Variants in TNRC6C observed in about 807,000 individuals in gnomAD.
TNRC6C encodes trinucleotide repeat-containing gene 6C protein.
Under a neutral mutation model 153.7 loss-of-function variants are expected in TNRC6C, and 20 were observed. The observed-to-expected ratio is 0.13, with a 90% CI of 0.09 to 0.19. TNRC6C has a LOEUF of 0.19. Among genes scored for constraint, TNRC6C ranks in the 10% least tolerant of loss-of-function variants. The pLI is 1.00. For missense variants in TNRC6C, 1,987 were observed against 2,172.0 expected (o/e 0.91, Z 1.69); for synonymous variants, 811 against 841.4 (o/e 0.96, Z 0.63).
chr17:78,011,302 G>A (rs2071625221), intron 1 of TNRC6C, among the ~76,000 whole-genome samples: 1 of 152,178 alleles, frequency 6.6e-6, no homozygotes, highest in Non-Finnish European at 1.5e-5. Flanking sequence ...CATCCCTGAA[G>A]GTGTCCTTGT....
chr17:77,984,145 T>C (rs2071121975), intron 1 of TNRC6C, among the ~76,000 whole-genome samples: 1 of 152,160 alleles, frequency 6.6e-6, no homozygotes, highest in African/African-American at 2.4e-5. Flanking sequence ...ACTGTAGACA[T>C]TTCCCTTTGG....
At chr17:78,060,119 T>C (rs1310220453) in intron 3 of TNRC6C, among the ~76,000 whole-genome samples, 1 of 152,182 alleles carries the variant, frequency 6.6e-6, no homozygotes, top group Non-Finnish European at 1.5e-5. Context: ...GACTTTGGAA[T>C]GGAAGTGTCA....
chr17:78,044,099 C>G (rs529148760), intron 2 of TNRC6C, among the ~76,000 whole-genome samples: 21 of 152,142 alleles, frequency 1.4e-4, no homozygotes, highest in Non-Finnish European at 2.1e-4. Context: ...AACTTATTAT[C>G]AAACCCTATC....
chr17:78,034,842 G>C (rs117311452), intron 2 of TNRC6C, among the ~76,000 whole-genome samples: 1 of 152,150 alleles, frequency 6.6e-6, no homozygotes, highest in African/African-American at 2.4e-5. Flanking sequence ...GGTGGCATGT[G>C]CCTGTGGTCC....
At chr17:78,028,673 A>G (rs149540024) in intron 1 of TNRC6C, among the ~76,000 whole-genome samples, 1 of 152,258 alleles carries the variant, frequency 6.6e-6, no homozygotes, top group East Asian at 1.9e-4. Context: ...GTAAAGGGAA[A>G]CAGTACCGTA....
chr17:78,094,430 T>G (rs2073447043), intron 16 of TNRC6C, among the ~76,000 whole-genome samples: 4 of 149,794 alleles, frequency 2.7e-5, no homozygotes, highest in Admixed American at 2.7e-4. Context: ...TGTGTTTGCT[T>G]CTTTTGTTTC....
chr17:78,039,011 G>A (rs2143822974), intron 2 of TNRC6C, among the ~76,000 whole-genome samples: 3 of 152,286 alleles, frequency 2.0e-5, no homozygotes, highest in Admixed American at 2.0e-4. Context: ...ATATGACGTA[G>A]TACATCCTGC....
intron 1 of TNRC6C, among the ~76,000 whole-genome samples, chr17:78,022,420 T>C (rs1323757076): frequency 6.6e-6 from 1 of 152,380 alleles, no homozygotes; most frequent in Non-Finnish European, 1.5e-5. Context: ...TACTTCTTCC[T>C]TTCTGTAGCA....
At chr17:78,000,618 G>GGCCCC (rs1555628252), upstream of TNRC6C, among the ~76,000 whole-genome samples, 2 of 13,046 alleles carry the variant, frequency 1.5e-4, no homozygotes, top group Non-Finnish European at 2.5e-4. Context: ...TTCTCCCTCC[G>GGCCCC]CCCCCCCCCC....
intron 1 of TNRC6C, among the ~76,000 whole-genome samples, chr17:78,030,664 C>T (rs1397674726): frequency 6.6e-6 from 1 of 152,166 alleles, no homozygotes; most frequent in Non-Finnish European, 1.5e-5. Flanking sequence ...TATACATTAT[C>T]ATCAGAATTA....
intron 1 of TNRC6C, among the ~76,000 whole-genome samples, chr17:77,970,452 T>C (rs2070931597): frequency 6.6e-6 from 1 of 152,188 alleles, no homozygotes; most frequent in African/African-American, 2.4e-5. Flanking sequence ...TCTTCCTATG[T>C]TGCTGGGATT....
exon 3 of TNRC6C, chr17:78,050,530 G>A (rs1232708718): frequency 6.2e-7 from 1 of 1,613,852 alleles, no homozygotes; most frequent in South Asian, 1.1e-5. Context: ...TTCAAACTCA[G>A]GGGGGAAGAA....
chr17:77,993,165 A>G (rs1389999319), intron 1 of TNRC6C, among the ~76,000 whole-genome samples: 3 of 151,986 alleles, frequency 2.0e-5, no homozygotes, highest in Non-Finnish European at 4.4e-5. Context: ...TTTTACCATG[A>G]TGGCCAGGCT....
intron 10 of TNRC6C, among the ~76,000 whole-genome samples, chr17:78,081,754 C>T (rs1282617481): frequency 1.3e-5 from 2 of 152,184 alleles, no homozygotes; most frequent in Non-Finnish European, 2.9e-5. Flanking sequence ...GTCTGAGAGG[C>T]AGTAGCAGAA....
Position 77,997,932 on chromosome 17 carries a change from G to C in TNRC6C, c.-37-6238G>C, listed in dbSNP as rs569796341. ...GCCTCCCAACGTGCTGGGATTACAG[G>C]CGTGAGCCACTGCGCCTGGCCGACA... On this transcript the variant is annotated intron_variant, in intron 1 of 22. Coordinates refer to the TNRC6C transcript ENST00000636222. Among the ~76,000 whole-genome samples the C allele has an allele frequency of 1.3e-4, 20 of 152,278 alleles. No homozygotes were observed. In the East Asian group the frequency reaches 3.5e-3, roughly 26 times the overall value.
intron 5 of TNRC6C, among the ~76,000 whole-genome samples, chr17:78,069,643 A>G (rs1436693557): frequency 6.6e-6 from 1 of 152,210 alleles, no homozygotes; most frequent in African/African-American, 2.4e-5. Context: ...AAAAGATAAC[A>G]ATAATTTATG....
intron 1 of TNRC6C, among the ~76,000 whole-genome samples, chr17:78,016,512 G>A (rs2071731346): frequency 6.6e-6 from 1 of 152,222 alleles, no homozygotes; most frequent in South Asian, 2.1e-4. Flanking sequence ...TGGGATGGCT[G>A]TTCATTAACA....
intron 1 of TNRC6C, among the ~76,000 whole-genome samples, chr17:78,006,575 CCTT>C (rs757043029): frequency 1.3e-4 from 18 of 135,680 alleles, no homozygotes; most frequent in African/African-American, 4.8e-4. Flanking sequence ...CTTCCTTCTT[CCTT>C]CTTCTTCCTT....
At chr17:78,050,210 A>T in exon 3 of TNRC6C, 5 of 1,538,088 alleles carry the variant, frequency 3.3e-6, no homozygotes, top group Non-Finnish European at 4.4e-6. Flanking sequence ...GAACACATGA[A>T]CTCCTGGGCC....
Sources: gnomAD v4.1 joint callset for allele counts (sites outside exome capture counted in the v4.1 genomes callset) on GRCh38, gnomAD v4.1.1 for gene constraint, MANE v1.5 for transcripts, NCBI Gene and HGNC (gene_info 2026-07-23, HGNC 2026-07-21) for gene names.